Variants in GPC3 observed in about 807,000 individuals in gnomAD.
GPC3 encodes glypican-3.
In GPC3, 3 loss-of-function variants were observed where a neutral mutation model predicts 34.4. The observed-to-expected ratio is 0.09, with a 90% CI of 0.04 to 0.23. The LOEUF (loss-of-function observed/expected upper bound fraction) is 0.23, where lower values mean the gene tolerates loss of function less well. GPC3 is among the 10% of genes least tolerant of loss of function. GPC3 has a pLI of 1.00. For synonymous variants in GPC3, 177 were observed against 174.0 expected (o/e 1.02, Z -0.13); for missense variants, 351 against 445.6 (o/e 0.79, Z 1.91).
chrX:133,788,274 C>T (rs1230632689), intron 2 of GPC3, among the ~76,000 whole-genome samples: 1 of 106,726 alleles, frequency 9.4e-6, no homozygotes, highest in Non-Finnish European at 1.9e-5. Flanking sequence ...AAACTCTGCT[C>T]CTGGGCTCTA....
chrX:133,785,048 T>G (rs922989834), intron 2 of GPC3, among the ~76,000 whole-genome samples: 1 of 111,902 alleles, frequency 8.9e-6, no homozygotes, highest in Non-Finnish European at 1.9e-5. Context: ...TGGTCCCACT[T>G]AAAATTCAGG....
intron 3 of GPC3, among the ~76,000 whole-genome samples, chrX:133,709,510 T>A (rs1351808394): frequency 1.8e-5 from 2 of 112,379 alleles, no homozygotes; most frequent in African/African-American, 6.5e-5. Flanking sequence ...TTAAAAACAA[T>A]ATATACATTG....
chrX:133,720,237 T>C (rs749689553), intron 3 of GPC3, among the ~76,000 whole-genome samples: 1 of 112,112 alleles, frequency 8.9e-6, no homozygotes, highest in East Asian at 2.8e-4. Flanking sequence ...CACACGTTTA[T>C]AGCAGCATAA....
intron 1 of GPC3, among the ~76,000 whole-genome samples, chrX:133,954,787 G>A (rs994568891): frequency 3.8e-5 from 3 of 78,369 alleles, no homozygotes; most frequent in Admixed American, 2.1e-4. Context: ...CGCTCTTGTC[G>A]CCCAGGCTGG....
chrX:133,835,969 A>G (rs2075797532), intron 2 of GPC3, among the ~76,000 whole-genome samples: 1 of 112,902 alleles, frequency 8.9e-6, no homozygotes. Flanking sequence ...TGATATCCAC[A>G]AAGTCTCACA....
intron 2 of GPC3, among the ~76,000 whole-genome samples, chrX:133,778,228 T>A (rs1210433380): frequency 1.8e-5 from 2 of 111,705 alleles, no homozygotes; most frequent in Non-Finnish European, 3.8e-5. Context: ...GAGAATTATA[T>A]TGGGATGGTT....
At chrX:133,708,642 T>C (rs1481927084) in intron 3 of GPC3, among the ~76,000 whole-genome samples, 2 of 111,993 alleles carry the variant, frequency 1.8e-5, no homozygotes, top group African/African-American at 6.5e-5. Context: ...TGAAACTATT[T>C]AAAAAAGAAA....
At chrX:133,901,509 C>T (rs764134018) in intron 2 of GPC3, among the ~76,000 whole-genome samples, 10 of 111,192 alleles carry the variant, frequency 9.0e-5, no homozygotes, top group Non-Finnish European at 1.7e-4. Context: ...GGCACGGTCT[C>T]GGCTCACTGC....
At chrX:133,639,650 C>T (rs966094399) in intron 6 of GPC3, among the ~76,000 whole-genome samples, 4 of 110,591 alleles carry the variant, frequency 3.6e-5, no homozygotes, top group African/African-American at 1.3e-4. Context: ...AATTATTTTG[C>T]TTGCATGAAA....
chrX:133,847,938 T>C (rs1049745239), intron 2 of GPC3, among the ~76,000 whole-genome samples: 5 of 112,302 alleles, frequency 4.5e-5, no homozygotes, highest in African/African-American at 1.6e-4. Flanking sequence ...TGCAGGGATG[T>C]GTGTCTGATT....
Position 133,536,040 on chromosome X carries a change from TAG to T in GPC3, c.*82_*83del. 1.4e-6 allele frequency: 1 copy of T among 697,957 alleles called. No individual in the cohort carries two copies. Among genetic ancestry groups the T allele is most frequent in the Non-Finnish European group, 2.1e-6 (1 of 470,879 alleles). 57.5% of individuals were successfully genotyped at this position (697,957 alleles called of 1,213,427 possible). ...ATACAGGATAACAAAAAAAAAAAAA[TAG>T]AAAAAAATAAGAAAGTGGTTCCCTT... On this transcript the variant is annotated 3_prime_UTR_variant, in exon 8 of 8. Transcript: ENST00000370818.
intron 7 of GPC3, among the ~76,000 whole-genome samples, chrX:133,577,373 TACAC>T (rs1273881524): frequency 8.0e-5 from 9 of 112,514 alleles, no homozygotes; most frequent in Non-Finnish European, 1.7e-4. Flanking sequence ...TACATTTACA[TACAC>T]ATACATACCC....
chrX:133,767,435 C>T (rs2071859813), intron 2 of GPC3, among the ~76,000 whole-genome samples: 6 of 112,036 alleles, frequency 5.4e-5, no homozygotes, highest in Admixed American at 4.7e-4. Flanking sequence ...GAGCTCTCAA[C>T]TCTAACCATA....
In GPC3 at chrX:133,698,967, C is replaced by CA. The variant is rs762891201; in HGVS notation, c.1166+927dup. The stretch of plus-strand genomic sequence containing the variant: ...ATCTCAGATTCTAATGCTTCAGTTT[C>CA]AAAAAAAGTGAGTAACATCATTGGG... On this transcript the variant is annotated intron_variant, in intron 4 of 7. Transcript: ENST00000370818. Among the ~76,000 whole-genome samples, 501 of 111,979 alleles carry CA rather than the reference C, an allele frequency of 4.5e-3. 9 individuals carry two copies. The highest frequency in any genetic ancestry group is 0.015 in the African/African-American group (477 of 30,876).
At chrX:133,615,059 C>G (rs981945606) in intron 6 of GPC3, among the ~76,000 whole-genome samples, 8 of 112,121 alleles carry the variant, frequency 7.1e-5, no homozygotes, top group Non-Finnish European at 1.3e-4. Context: ...TAATCAAAAA[C>G]TTCCTGCAAA....
chrX:133,635,940 A>G (rs931745398), intron 6 of GPC3, among the ~76,000 whole-genome samples: 3 of 110,941 alleles, frequency 2.7e-5, no homozygotes, highest in African/African-American at 9.8e-5. Flanking sequence ...CTATAAGCCC[A>G]CTCACTTAAA....
intron 3 of GPC3, among the ~76,000 whole-genome samples, chrX:133,752,535 C>T (rs1323906386): frequency 9.0e-6 from 1 of 111,488 alleles, no homozygotes; most frequent in African/African-American, 3.3e-5. Flanking sequence ...CCTCCTTCTA[C>T]AAAGCTGGCA....
chrX:133,765,918 C>G (rs2071840200), intron 2 of GPC3, among the ~76,000 whole-genome samples: 2 of 111,709 alleles, frequency 1.8e-5, no homozygotes, highest in Admixed American at 1.9e-4. Flanking sequence ...CCTCCCAAAG[C>G]CTTAGTCATT....
At chrX:133,616,033 G>A (rs745844581) in intron 6 of GPC3, among the ~76,000 whole-genome samples, 4 of 111,040 alleles carry the variant, frequency 3.6e-5, no homozygotes, top group Admixed American at 1.9e-4. Context: ...ACTTTTATTT[G>A]ACATTGTACT....
Sources: allele counts gnomAD v4.1 joint callset (sites outside exome capture counted in the v4.1 genomes callset), GRCh38; gene constraint gnomAD v4.1.1; transcripts MANE v1.5; gene names NCBI Gene and HGNC (gene_info 2026-07-23, HGNC 2026-07-21).